ANO3: variants seen among roughly 807,000 people sequenced by gnomAD.
ANO3 encodes anoctamin-3.
ANO3 carries 99 observed loss-of-function variants against 144.8 expected under a neutral mutation model. The observed-to-expected ratio is 0.68, with a 90% CI of 0.58 to 0.81. The LOEUF is 0.81. Among genes scored for constraint, ANO3 ranks in the 30% least tolerant of loss-of-function variants. ANO3 has a pLI of 0.00. For missense variants in ANO3, 905 were observed against 1,202.2 expected (o/e 0.75, Z 3.66); for synonymous variants, 414 against 392.6 (o/e 1.05, Z -0.64).
chr11:26,301,649 G>C (rs769471169), intron 1 of ANO3, among the ~76,000 whole-genome samples: 47 of 152,162 alleles, frequency 3.1e-4, no homozygotes, highest in Non-Finnish European at 6.2e-4. Context: ...GATAGGGAAG[G>C]AAGAAGAGAG....
rs183632024 is a variant in ANO3, at chr11:26,338,863, C to T, written c.46+6542C>T. 2.1e-3 allele frequency among the ~76,000 whole-genome samples: 322 copies of T among 152,258 alleles called. 1 individual carries two copies. The highest frequency in any genetic ancestry group is 7.3e-3 in the African/African-American group (304 of 41,546). ...AAGGAACAAACTCCCGACACACCAT[C>T]TTTAAGAGCTGTAACACTCACCGCG... On this transcript the variant is annotated intron_variant, in intron 1 of 26. Transcript: ENST00000256737.
intron 14 of ANO3, chr11:26,565,483 T>G: frequency 6.2e-7 from 1 of 1,613,344 alleles, no homozygotes; most frequent in South Asian, 1.1e-5. Flanking sequence ...TCATCTGCTA[T>G]AGGTGCATTC....
chr11:26,569,432 TC>T (rs1348515138), intron 14 of ANO3, among the ~76,000 whole-genome samples: 2 of 152,084 alleles, frequency 1.3e-5, no homozygotes, highest in Admixed American at 6.6e-5. Context: ...CAAGTTTGCC[TC>T]TGCTGCCTGG....
intron 17 of ANO3, among the ~76,000 whole-genome samples, chr11:26,601,856 C>T (rs940397527): frequency 3.3e-5 from 5 of 152,130 alleles, no homozygotes; most frequent in African/African-American, 1.2e-4. Context: ...CTTAAATTGA[C>T]TCATTTCTTA....
At chr11:26,565,123 T>C in intron 14 of ANO3, 1 of 1,484,170 alleles carries the variant, frequency 6.7e-7, no homozygotes, top group Non-Finnish European at 9.0e-7. Flanking sequence ...ATTTGGAATT[T>C]CAGTTTCACA....
intron 3 of ANO3, among the ~76,000 whole-genome samples, chr11:26,461,532 TTCTTC>T (rs1008999415): frequency 6.6e-6 from 1 of 152,096 alleles, no homozygotes; most frequent in Non-Finnish European, 1.5e-5. Context: ...AAAATTGCAT[TTCTTC>T]TCTTACTTCA....
chr11:26,400,483 T>G (rs1422379316), intron 1 of ANO3, among the ~76,000 whole-genome samples: 1 of 152,148 alleles, frequency 6.6e-6, no homozygotes, highest in African/African-American at 2.4e-5. Flanking sequence ...TATAACAAGT[T>G]CTAGTGCCTT....
intron 14 of ANO3, among the ~76,000 whole-genome samples, chr11:26,572,840 C>T (rs1850880085): frequency 3.3e-5 from 5 of 152,090 alleles, no homozygotes; most frequent in South Asian, 2.1e-4. Flanking sequence ...TGAGAATGGC[C>T]ATGTGATCCT....
At chr11:26,380,452 G>C (rs1207663299) in intron 1 of ANO3, among the ~76,000 whole-genome samples, 1 of 152,158 alleles carries the variant, frequency 6.6e-6, no homozygotes, top group Non-Finnish European at 1.5e-5. Context: ...AGTTCTGGAG[G>C]CTGGGAAGTC....
intron 6 of ANO3, among the ~76,000 whole-genome samples, chr11:26,518,838 A>G (rs1400102805): frequency 1.3e-5 from 2 of 152,048 alleles, no homozygotes; most frequent in African/African-American, 4.8e-5. Flanking sequence ...ATAGCAATGC[A>G]ATTAGAAGGA....
intron 1 of ANO3, among the ~76,000 whole-genome samples, chr11:26,212,808 G>T (rs1196715443): frequency 1.3e-5 from 2 of 151,812 alleles, no homozygotes; most frequent in Admixed American, 1.3e-4. Flanking sequence ...AATGCCAAAA[G>T]CTGGCAAAGA....
intron 14 of ANO3, among the ~76,000 whole-genome samples, chr11:26,592,991 G>A (rs540916828): frequency 1.6e-4 from 24 of 152,104 alleles, no homozygotes; most frequent in African/African-American, 3.4e-4. Flanking sequence ...GGAGGGTACC[G>A]CCTTACAGTT....
At chr11:26,538,034 T>G (rs781639281) in intron 10 of ANO3, among the ~76,000 whole-genome samples, 17 of 152,196 alleles carry the variant, frequency 1.1e-4, no homozygotes, top group Non-Finnish European at 1.0e-4. Context: ...CAGGTTTCAC[T>G]TCTGAACTTT....
intron 1 of ANO3, among the ~76,000 whole-genome samples, chr11:26,218,054 A>T (rs1171696070): frequency 6.6e-6 from 1 of 152,166 alleles, no homozygotes; most frequent in Non-Finnish European, 1.5e-5. Flanking sequence ...CTACCAGGAA[A>T]ATCATAATAA....
chr11:26,394,664 G>A lies in ANO3; in HGVS notation c.47-47254G>A, dbSNP rs956216610. ...GTGATCACAGCTCACTGCAACCTCC[G>A]CCTCCCAGGTTCAAGCAATTCTCCT... On this transcript the variant is annotated intron_variant, in intron 1 of 26. Transcript: ENST00000256737. 6.3e-5 allele frequency among the ~76,000 whole-genome samples: 9 copies of A among 142,256 alleles called. No homozygotes were observed. In the East Asian group the frequency reaches 1.7e-3, roughly 27 times the overall value. 93.3% of individuals were successfully genotyped at this position (142,256 alleles called of 152,430 possible).
chr11:26,546,895 G>T (rs1849803799), intron 11 of ANO3, among the ~76,000 whole-genome samples: 1 of 151,844 alleles, frequency 6.6e-6, no homozygotes, highest in Non-Finnish European at 1.5e-5. Flanking sequence ...GCGTTAACCA[G>T]GGTAAGTGCC....
chr11:26,294,979 A>T (rs1028405936), intron 1 of ANO3, among the ~76,000 whole-genome samples: 3 of 151,802 alleles, frequency 2.0e-5, no homozygotes, highest in African/African-American at 7.3e-5. Flanking sequence ...GCTCACTGCA[A>T]CCTCCGCCTC....
intron 1 of ANO3, among the ~76,000 whole-genome samples, chr11:26,194,486 G>T (rs1341583818): frequency 1.4e-5 from 2 of 144,564 alleles, no homozygotes; most frequent in East Asian, 2.0e-4. Context: ...GTGTGTGTGT[G>T]TATTATTTAT....
intron 1 of ANO3, among the ~76,000 whole-genome samples, chr11:26,437,895 CA>C (rs1858352037): frequency 1.3e-5 from 2 of 152,096 alleles, no homozygotes; most frequent in South Asian, 4.2e-4. Flanking sequence ...AACAATTAAT[CA>C]AGACAAAGTA....
Sources: gnomAD v4.1 joint callset for allele counts (sites outside exome capture counted in the v4.1 genomes callset) on GRCh38, gnomAD v4.1.1 for gene constraint, MANE v1.5 for transcripts, NCBI Gene and HGNC (gene_info 2026-07-23, HGNC 2026-07-21) for gene names.